The following PDCD4 variants were observed in gnomAD, a reference collection of about 807,000 sequenced individuals.
PDCD4 encodes the protein programmed cell death 4.
Under a neutral mutation model 54.0 loss-of-function variants are expected in PDCD4, and 56 were observed. The observed-to-expected ratio is 1.04, with a 90% CI of 0.84 to 1.30. The LOEUF (loss-of-function observed/expected upper bound fraction) is 1.30, where lower values mean the gene tolerates loss of function less well. Ranked by LOEUF, PDCD4 falls within the 50% of genes most tolerant of loss-of-function variation. The probability of loss-of-function intolerance (pLI) is 0.00; values close to 1 mark genes in which losing one functional copy is unlikely to be tolerated. For missense variants in PDCD4, 584 were observed against 559.8 expected (o/e 1.04, Z -0.44); for synonymous variants, 186 against 194.8 (o/e 0.95, Z 0.37).
At chr10:110,897,456 CTACATGTAGG>C (rs1194112221) in intron 11 of PDCD4, among the ~76,000 whole-genome samples, 8 of 152,196 alleles carry the variant, frequency 5.3e-5, no homozygotes, top group Admixed American at 3.3e-4. Context: ...GCTATTGCCA[CTACATGTAGG>C]TAAGAGTGTG....
At chr10:110,876,314 T>C (rs1352369718) in intron 2 of PDCD4, among the ~76,000 whole-genome samples, 2 of 152,192 alleles carry the variant, frequency 1.3e-5, no homozygotes, top group Non-Finnish European at 2.9e-5. Context: ...GGCTGAAATA[T>C]CTTGAAGCTT....
chr10:110,894,460 AT>A lies in PDCD4; in HGVS notation c.1151del (p.Leu384TrpfsTer4). ...AACTGGAGAAAGTACATTTAAGATG[AT>A]TTTGGATTTATTAAAGTCCCTTTGG... ...ESTGESTFKM[I>X]LDLLKSLWKS... On this transcript the variant is annotated frameshift_variant, in exon 10 of 12. Coordinates refer to ENST00000280154, the MANE Select transcript of PDCD4 (RefSeq NM_014456.5). LOFTEE classifies it high-confidence loss of function. 6.3e-7 allele frequency: 1 copy of A among 1,575,348 alleles called. No homozygotes were observed.
rs764354711 is a variant in PDCD4, at chr10:110,895,916, T to G, written c.1210-32T>G. On this transcript the variant is annotated intron_variant, in intron 10 of 11. Transcript: ENST00000280154. ...TTTATGACATTTATTTTATATGGGCTAACAATTCTGCATGTAATTTCATTG... is the reference window on the plus strand; with the variant it reads ...TTTATGACATTTATTTTATATGGGCGAACAATTCTGCATGTAATTTCATTG... 7.3e-6 allele frequency: 11 copies of G among 1,514,218 alleles called. No individual in the cohort carries two copies. The South Asian group carries it at 1.1e-4, about 16-fold the overall frequency. 93.8% of individuals were successfully genotyped at this position (1,514,218 alleles called of 1,614,324 possible). A position where few individuals can be genotyped will look rare whatever the true frequency, so the allele number is the denominator to read the frequency against.
At chr10:110,873,619 G>A (rs1177153219) in intron 1 of PDCD4, among the ~76,000 whole-genome samples, 2 of 152,144 alleles carry the variant, frequency 1.3e-5, no homozygotes, top group East Asian at 3.8e-4. Context: ...TTGTAGGTTA[G>A]TATGAAGGAA....
At chr10:110,880,041 T>C (rs1845567460) in intron 2 of PDCD4, among the ~76,000 whole-genome samples, 1 of 152,210 alleles carries the variant, frequency 6.6e-6, no homozygotes, top group Non-Finnish European at 1.5e-5. Context: ...TTAACAATAA[T>C]GAACAAAACT....
chr10:110,893,324 T>C (rs868133751), intron 8 of PDCD4, among the ~76,000 whole-genome samples: 2 of 151,646 alleles, frequency 1.3e-5, no homozygotes, highest in African/African-American at 4.8e-5. Flanking sequence ...AAATATCTTA[T>C]AGAAGTTGGA....
chr10:110,873,365 G>A (rs1845451584), intron 1 of PDCD4, among the ~76,000 whole-genome samples: 1 of 152,218 alleles, frequency 6.6e-6, no homozygotes, highest in South Asian at 2.1e-4. Flanking sequence ...AGTAATCCTA[G>A]TTAATAAATG....
intron 1 of PDCD4, among the ~76,000 whole-genome samples, chr10:110,872,617 G>T (rs1298577459): frequency 1.3e-5 from 2 of 152,220 alleles, no homozygotes; most frequent in African/African-American, 4.8e-5. Context: ...AGGCCCGGCC[G>T]CTGTGGGGAG....
At chr10:110,881,910 A>G (rs1845598998) in intron 3 of PDCD4, among the ~76,000 whole-genome samples, 1 of 152,230 alleles carries the variant, frequency 6.6e-6, no homozygotes, top group African/African-American at 2.4e-5. Context: ...TAATAAATAT[A>G]CATTTGATTG....
At chr10:110,879,490 C>T (rs1354831345) in intron 2 of PDCD4, among the ~76,000 whole-genome samples, 3 of 151,976 alleles carry the variant, frequency 2.0e-5, no homozygotes, top group Non-Finnish European at 4.4e-5. Context: ...CACGGTGACC[C>T]CATCTGTACT....
chr10:110,885,322 A>G lies in PDCD4; in HGVS notation c.511A>G (p.Ile171Val). The G allele has an allele frequency of 1.3e-6, 2 of 1,596,206 alleles. No individual in the cohort carries two copies. Among genetic ancestry groups the G allele is most frequent in the Non-Finnish European group, 1.7e-6 (2 of 1,166,184 alleles). The change falls in exon 5 of 12, where the codon ATC becomes GTC. Residue 171 changes from isoleucine (I) to valine (V), a missense_variant. Ile to Val is a conservative substitution (Grantham distance 29). Transcript: ENST00000280154. The stretch of plus-strand genomic sequence containing the variant: ...GGCATTTGAGAAGACTTTAACACCA[A>G]TCATACAGGAATATTTTGAGCATGG... The part of the protein sequence containing the change: ...ERAFEKTLTP[I>V]IQEYFEHGDT...
intron 6 of PDCD4, 22 bp downstream of exon 6, chr10:110,887,908 G>A (rs1420385480): frequency 6.9e-7 from 1 of 1,458,932 alleles, no homozygotes; most frequent in Middle Eastern, 1.7e-4. Flanking sequence ...TCTTCTTTTT[G>A]TTCATTCCCT....
Position 110,898,157 on chromosome 10 carries a change from AGTTT to A in PDCD4, c.*70_*73del, listed in dbSNP as rs761257424. 7.4e-6 allele frequency: 5 copies of A among 672,994 alleles called. No homozygotes were observed. The South Asian group carries it at 1.9e-4, about 26-fold the overall frequency. The allele number at this position is 672,994 out of a possible 1,614,324, so 41.7% of individuals were successfully genotyped here. On this transcript the variant is annotated 3_prime_UTR_variant, in exon 12 of 12. Transcript: ENST00000280154. ...CTGAATTGTAAGAGTTGTTAGCACAAGTTTTTTTTTTTTTTTTTTTTAAGCACTT... is the reference window on the plus strand; with the variant it reads ...CTGAATTGTAAGAGTTGTTAGCACAATTTTTTTTTTTTTTTTTAAGCACTT...
Position 110,896,038 on chromosome 10 carries a change from T to C in PDCD4, c.1300T>C (p.Phe434Leu). ...GCTGGAGCGGTTTGTAGAAGAATGT[T>C]TTCAGGCTGGAATAATTTCCAAACA... ...SVLERFVEEC[F>L]QAGIISKQLR... Residue 434 changes from phenylalanine to leucine, a missense_variant, in exon 11 of 12, where the codon TTT becomes CTT. Transcript: ENST00000280154. 1.2e-6 allele frequency: 2 copies of C among 1,611,434 alleles called. No individual in the cohort carries two copies. The highest frequency in any genetic ancestry group is 4.5e-5 in the East Asian group (2 of 44,774).
intron 5 of PDCD4, among the ~76,000 whole-genome samples, chr10:110,885,718 A>T (rs1316497129): frequency 1.3e-5 from 2 of 151,964 alleles, no homozygotes; most frequent in Non-Finnish European, 2.9e-5. Context: ...AAACCTCTTC[A>T]GGGATCTCAG....
At chr10:110,886,596 T>C (rs2081282972) in intron 5 of PDCD4, among the ~76,000 whole-genome samples, 1 of 152,176 alleles carries the variant, frequency 6.6e-6, no homozygotes, top group African/African-American at 2.4e-5. Flanking sequence ...GAGGGCACTC[T>C]AACTGAATTA....
At chr10:110,875,278 G>A (rs1237423338) in intron 1 of PDCD4, among the ~76,000 whole-genome samples, 2 of 152,016 alleles carry the variant, frequency 1.3e-5, no homozygotes, top group Admixed American at 6.6e-5. Flanking sequence ...AAATGCTTAT[G>A]TCGTTGTACT....
At chr10:110,894,285 C>CT (rs1554849703) in intron 9 of PDCD4, 87 bp downstream of exon 9, 2 of 920,488 alleles carry the variant, frequency 2.2e-6, no homozygotes, top group Admixed American at 1.9e-5. Flanking sequence ...AATGTACATC[C>CT]TTTTTTTAAT....
At chr10:110,884,867 C>T (rs1271527822) in intron 4 of PDCD4, 1 of 154,400 alleles carries the variant, frequency 6.5e-6, no homozygotes, top group Non-Finnish European at 1.4e-5. Context: ...AATTATAGCT[C>T]ACTGCAGCCT....
Sources: allele counts gnomAD v4.1 joint callset (sites outside exome capture counted in the v4.1 genomes callset), GRCh38; gene constraint gnomAD v4.1.1; transcripts MANE v1.5; gene names NCBI Gene and HGNC (gene_info 2026-07-23, HGNC 2026-07-21).